The following C2CD3 variants were observed in gnomAD, a reference collection of about 807,000 sequenced individuals.
C2CD3 encodes the protein C2 domain containing 3 centriole elongation regulator.
In C2CD3, 148 loss-of-function variants were observed where a neutral mutation model predicts 234.0. The observed-to-expected ratio is 0.63, with a 90% CI of 0.55 to 0.72. C2CD3 has a LOEUF of 0.72. C2CD3 is among the 30% of genes least tolerant of loss of function. C2CD3 has a pLI of 0.00. For missense variants in C2CD3, 2,577 were observed against 2,811.5 expected, an observed-to-expected ratio of 0.92 and a Z score of 1.89; for synonymous variants, 1,000 against 1,035.4, an observed-to-expected ratio of 0.97 and a Z score of 0.66.
chr11:74,098,896 T>G (rs1028679590), intron 15 of C2CD3, among the ~76,000 whole-genome samples: 1 of 152,244 alleles, frequency 6.6e-6, no homozygotes, highest in Non-Finnish European at 1.5e-5. Context: ...GCAATTCATT[T>G]AACATTTTTG....
intron 13 of C2CD3, among the ~76,000 whole-genome samples, chr11:74,104,534 G>A (rs1186808690): frequency 1.3e-5 from 2 of 152,026 alleles, no homozygotes; most frequent in Admixed American, 6.6e-5. Flanking sequence ...AGGAGATAAA[G>A]GGACAGAGAG....
chr11:74,085,685 A>G lies in C2CD3; in HGVS notation c.3843T>C (p.Cys1281=), dbSNP rs1565275100. The G allele has an allele frequency of 5.0e-6, 8 of 1,614,182 alleles. No individual in the cohort carries two copies. Among genetic ancestry groups the G allele is most frequent in the Non-Finnish European group, 6.8e-6 (8 of 1,180,034 alleles). The change falls in exon 21 of 33, where the codon TGT becomes TGC. Residue 1281 remains cysteine (C), a synonymous_variant. Transcript: ENST00000334126. Reference sequence around the variant, plus strand: ...CAAACTCCAACAACTCTGCTAGGAAACAGGCCTCTCCACTACAGTGCTGAG... The same window carrying G: ...CAAACTCCAACAACTCTGCTAGGAAGCAGGCCTCTCCACTACAGTGCTGAG... The part of the protein sequence containing the change: ...LVTQHCSGEA[C]FLAELLEFAE...
At chr11:74,116,993 C>CGTGTATATGTATATATACACATATATAT (rs1956988319) in intron 9 of C2CD3, among the ~76,000 whole-genome samples, 1 of 109,958 alleles carries the variant, frequency 9.1e-6, no homozygotes, top group Admixed American at 9.2e-5. Flanking sequence ...TACACATATA[C>CGTGTATATGTATATATACACATATATAT]GTGTATATGT....
intron 20 of C2CD3, among the ~76,000 whole-genome samples, chr11:74,088,281 T>C (rs1955737135): frequency 6.6e-6 from 1 of 152,172 alleles, no homozygotes; most frequent in Non-Finnish European, 1.5e-5. Flanking sequence ...ATTTAAAATT[T>C]CCATTTCAGA....
At position 74,074,518 on chromosome 11, in the gene C2CD3, G is replaced by A. The variant is rs1362148875; in HGVS notation, c.4686C>T (p.Ser1562=). 1 of 1,614,046 alleles carries A rather than the reference G, an allele frequency of 6.2e-7. No homozygotes were observed. The highest frequency in any genetic ancestry group is 8.5e-7 in the Non-Finnish European group (1 of 1,180,028). ...GCTCATGAGTGGGCTCAAGGTGTGA[G>A]GAAAGAGAGGAAAGAACCACATGAA... ...LRVHVVLSSL[S]SHLEPTHELD... The change falls in exon 24 of 33, where the codon TCC becomes TCT. Residue 1562 remains serine (S), a synonymous_variant. Transcript: ENST00000334126.
At chr11:74,030,821 C>A (rs1241153430) in intron 31 of C2CD3, among the ~76,000 whole-genome samples, 1 of 152,178 alleles carries the variant, frequency 6.6e-6, no homozygotes, top group East Asian at 1.9e-4. Context: ...CCAAACCTGT[C>A]TATGTGCTGT....
At chr11:74,026,311 A>G (rs574046260) in intron 32 of C2CD3, among the ~76,000 whole-genome samples, 2 of 131,346 alleles carry the variant, frequency 1.5e-5, no homozygotes, top group South Asian at 4.4e-4. Flanking sequence ...TGTCTCAAGG[A>G]AAAAAAAAAA....
At chr11:74,099,365 AAGTC>A (rs950089456) in intron 15 of C2CD3, among the ~76,000 whole-genome samples, 62 of 152,328 alleles carry the variant, frequency 4.1e-4, no homozygotes, top group African/African-American at 1.3e-3. Flanking sequence ...GAGGAAAAGA[AAGTC>A]AGAGAGGTTA....
chr11:74,097,534 T>C (rs953647321), intron 16 of C2CD3, among the ~76,000 whole-genome samples: 3 of 152,256 alleles, frequency 2.0e-5, no homozygotes, highest in Admixed American at 6.5e-5. Flanking sequence ...CCTCAGGTAG[T>C]TGTTAGGGAA....
At chr11:74,057,285 A>G (rs1954001089) in intron 25 of C2CD3, 121 bp downstream of exon 25, 2 of 943,256 alleles carry the variant, frequency 2.1e-6, no homozygotes, top group Non-Finnish European at 1.6e-6. Flanking sequence ...AATTGCTTGG[A>G]TAAGAAAAGC....
intron 7 of C2CD3, among the ~76,000 whole-genome samples, chr11:74,127,294 C>T (rs910251072): frequency 6.6e-6 from 1 of 152,200 alleles, no homozygotes; most frequent in South Asian, 2.1e-4. Context: ...TACCACACTG[C>T]GCCCGGCCTG....
chr11:74,050,050 G>A (rs868069911), intron 26 of C2CD3, among the ~76,000 whole-genome samples: 1 of 152,120 alleles, frequency 6.6e-6, no homozygotes. Flanking sequence ...AAAGTGTTGG[G>A]ATTACACATG....
intron 29 of C2CD3, among the ~76,000 whole-genome samples, chr11:74,041,620 G>A (rs1047328138): frequency 6.6e-6 from 1 of 152,178 alleles, no homozygotes. Context: ...AGATAAGCTA[G>A]GGGCTGATCT....
intron 14 of C2CD3, among the ~76,000 whole-genome samples, chr11:74,101,017 C>A (rs1385241554): frequency 1.3e-5 from 2 of 152,146 alleles, no homozygotes; most frequent in African/African-American, 4.8e-5. Flanking sequence ...CACTAGTAAA[C>A]CCCACTGAAA....
chr11:74,113,872 T>A lies in C2CD3; in HGVS notation c.1751A>T (p.His584Leu), dbSNP rs1237147928. The A allele has an allele frequency of 6.3e-7, 1 of 1,592,036 alleles. No homozygotes were observed. The highest frequency in any genetic ancestry group is 1.4e-5 in the African/African-American group (1 of 73,376). The change falls in exon 11 of 33, where the codon CAC becomes CTC. Residue 584 changes from histidine to leucine, a missense_variant. Physicochemically the swap from His to Leu is moderately conservative, Grantham distance 99 (BLOSUM62 -3). Transcript: ENST00000334126. ...AKKRTFFVEYHFPVGFSESGL... is the reference protein window; with the variant it reads ...AKKRTFFVEYLFPVGFSESGL... ...GCTTTCCGAAAAGCCCACAGGAAAG[T>A]GATATTCTACAAAGAAAGTGCTAAA...
chr11:74,157,741 T>G (rs1856131884), intron 3 of C2CD3, among the ~76,000 whole-genome samples: 1 of 152,218 alleles, frequency 6.6e-6, no homozygotes, highest in Non-Finnish European at 1.5e-5. Context: ...CTAAGGGGTT[T>G]GAATATTCAG....
rs553260426 is a variant in C2CD3, at chr11:74,021,838, C to CG, written c.6921+6448dup. 4.5e-3 allele frequency among the ~76,000 whole-genome samples: 688 copies of CG among 151,996 alleles called. 7 individuals carry two copies. Among genetic ancestry groups the CG allele is most frequent in the Non-Finnish European group, 6.1e-3 (415 of 67,958 alleles). On this transcript the variant is annotated intron_variant, in intron 32 of 32. Transcript: ENST00000334126. ...ATAAGTGAGACTGGTTAGAAATAGT[C>CG]GGGGGGGCTGGGCGCAGTGGCTTAC...
intron 25 of C2CD3, among the ~76,000 whole-genome samples, 188 bp from the exon 26 acceptor site, chr11:74,054,859 A>T (rs1953883605): frequency 6.6e-6 from 1 of 152,192 alleles, no homozygotes; most frequent in African/African-American, 2.4e-5. Flanking sequence ...AGAGAGGTGA[A>T]GTAACTTGCC....
rs1955185370 is a variant in C2CD3, at chr11:74,078,643, T to C, written c.4075A>G (p.Ile1359Val). 6.2e-7 allele frequency: 1 copy of C among 1,614,152 alleles called. No homozygotes were observed. Among genetic ancestry groups the C allele is most frequent in the African/African-American group, 1.3e-5 (1 of 75,034 alleles). The change falls in exon 23 of 33, where the codon ATC (isoleucine) becomes GTC (valine). Residue 1359 changes from isoleucine (I) to valine (V), a missense_variant. Transcript: ENST00000334126. The part of the protein sequence containing the change: ...LPHGLELMQK[I>V]VGGLELSISF... ...ATCGAAAGCTCCAGACCACCCACGA[T>C]CTTCTGCATGAGCTCCAGGCCATGA...
Sources: gnomAD v4.1 joint callset for allele counts (sites outside exome capture counted in the v4.1 genomes callset) on GRCh38, gnomAD v4.1.1 for gene constraint, MANE v1.5 for transcripts, NCBI Gene and HGNC (gene_info 2026-07-23, HGNC 2026-07-21) for gene names.